CENPP: variants seen among roughly 807,000 people sequenced by gnomAD.
CENPP encodes the protein centromere protein P.
In CENPP, 24 loss-of-function variants were observed where a neutral mutation model predicts 35.6. The ratio of observed to expected loss-of-function variants is 0.67; its 90% CI spans 0.49 to 0.95. The LOEUF is 0.95. CENPP is among the 40% of genes least tolerant of loss of function. The probability of loss-of-function intolerance (pLI) is 0.00; values close to 1 mark genes in which losing one functional copy is unlikely to be tolerated. For missense variants in CENPP, 332 were observed against 345.3 expected, an observed-to-expected ratio of 0.96 and a Z score of 0.31; for synonymous variants, 120 against 125.5, an observed-to-expected ratio of 0.96 and a Z score of 0.29.
At chr9:92,371,871 T>G (rs907490755) in intron 4 of CENPP, among the ~76,000 whole-genome samples, 1 of 132,590 alleles carries the variant, frequency 7.5e-6, no homozygotes, top group Non-Finnish European at 1.7e-5. Flanking sequence ...TTTGTTGTTG[T>G]TTTTTTTTTT....
At chr9:92,528,357 C>A (rs1345680775) in intron 5 of CENPP, among the ~76,000 whole-genome samples, 1 of 152,004 alleles carries the variant, frequency 6.6e-6, no homozygotes, top group Non-Finnish European at 1.5e-5. Context: ...TGAAAAGATA[C>A]AGCTGGAAAT....
At chr9:92,608,144 G>T (rs1215366108) in intron 5 of CENPP, among the ~76,000 whole-genome samples, 1 of 152,160 alleles carries the variant, frequency 6.6e-6, no homozygotes, top group African/African-American at 2.4e-5. Context: ...GGAAGCACAG[G>T]CATCTCGTTC....
At chr9:92,524,682 G>A (rs1183522063) in intron 5 of CENPP, among the ~76,000 whole-genome samples, 1 of 152,174 alleles carries the variant, frequency 6.6e-6, no homozygotes, top group East Asian at 1.9e-4. Flanking sequence ...TACACAGCCA[G>A]TATGGAGGAG....
chr9:92,496,180 G>A, intron 5 of CENPP: 2 of 1,391,444 alleles, frequency 1.4e-6, no homozygotes, highest in Non-Finnish European at 1.9e-6. Context: ...GTTCATCTGT[G>A]TGTTAGTGAA....
chr9:92,356,759 G>T (rs1351915286), intron 4 of CENPP, among the ~76,000 whole-genome samples: 1 of 152,222 alleles, frequency 6.6e-6, no homozygotes, highest in East Asian at 1.9e-4. Flanking sequence ...CACAATTTAT[G>T]TTCAGAGATT....
Position 92,412,287 on chromosome 9 carries a change from G to T in CENPP, c.564+32428G>T, listed in dbSNP as rs187329618. On this transcript the variant is annotated intron_variant, in intron 5 of 7. Transcript: ENST00000375587. ...TTTTTTGTAGAGACAGGGTTTCACT[G>T]TGTTGCCTAGGCCAGTCTTGAACTT... Among the ~76,000 whole-genome samples the T allele has an allele frequency of 8.7e-4, 133 of 152,036 alleles. 1 individual carries two copies. The highest frequency in any genetic ancestry group is 9.4e-4 in the Non-Finnish European group (64 of 67,968).
chr9:92,582,804 C>A (rs1850459806), intron 5 of CENPP, among the ~76,000 whole-genome samples: 2 of 152,152 alleles, frequency 1.3e-5, no homozygotes, highest in South Asian at 4.1e-4. Flanking sequence ...TGAAGAATAT[C>A]CTGCTCTCAA....
At chr9:92,567,691 C>T (rs1850029399) in intron 5 of CENPP, among the ~76,000 whole-genome samples, 1 of 152,008 alleles carries the variant, frequency 6.6e-6, no homozygotes, top group African/African-American at 2.4e-5. Flanking sequence ...TTGGGACTCA[C>T]TATGTATACA....
intron 5 of CENPP, among the ~76,000 whole-genome samples, chr9:92,563,632 G>C (rs567677733): frequency 1.3e-5 from 2 of 152,204 alleles, no homozygotes; most frequent in Non-Finnish European, 2.9e-5. Flanking sequence ...ATTTAACACA[G>C]ATGATCTTTC....
At chr9:92,381,860 A>G (rs529333412) in intron 5 of CENPP, among the ~76,000 whole-genome samples, 2 of 149,348 alleles carry the variant, frequency 1.3e-5, no homozygotes, top group South Asian at 2.1e-4. Context: ...GAGTACTTCA[A>G]TTTCTCTACA....
chr9:92,589,858 T>C (rs4744141), intron 5 of CENPP, among the ~76,000 whole-genome samples: 57,356 of 152,096 alleles, frequency 0.38, 13,438 homozygotes, highest in African/African-American at 0.66. Context: ...AAATTGAAGA[T>C]AATCATATGT....
At chr9:92,611,569 G>A (rs551692032) in intron 6 of CENPP, among the ~76,000 whole-genome samples, 176 bp downstream of exon 6, 2 of 152,164 alleles carry the variant, frequency 1.3e-5, no homozygotes, top group Non-Finnish European at 1.5e-5. Context: ...CGGGGAGCTG[G>A]AGCTCTGGAG....
intron 5 of CENPP, among the ~76,000 whole-genome samples, chr9:92,461,305 A>C (rs1845101125): frequency 6.6e-6 from 1 of 152,208 alleles, no homozygotes. Context: ...ACATCTAACA[A>C]GATTAATACA....
intron 5 of CENPP, among the ~76,000 whole-genome samples, chr9:92,607,227 T>C (rs1022339181): frequency 2.6e-5 from 4 of 152,172 alleles, no homozygotes; most frequent in African/African-American, 4.8e-5. Context: ...GAATATCCAA[T>C]TGGCCCAGTG....
rs114196695 is a variant in CENPP, at chr9:92,330,457, T to C, written c.108-1713T>C. Among the ~76,000 whole-genome samples, 341 of 152,242 alleles carry C rather than the reference T, an allele frequency of 2.2e-3. 3 individuals are homozygous for C. The highest frequency in any genetic ancestry group is 7.9e-3 in the African/African-American group (327 of 41,552). The stretch of plus-strand genomic sequence containing the variant: ...AGAAGTAAGAGTGTTAGGGTTTTCC[T>C]CTAATGTTGGAGACAAGAAGCTGAC... On this transcript the variant is annotated intron_variant, in intron 1 of 7. Coordinates refer to ENST00000375587, the MANE Select transcript of CENPP (RefSeq NM_001012267.3).
intron 5 of CENPP, among the ~76,000 whole-genome samples, chr9:92,478,446 G>A (rs1845790388): frequency 6.6e-6 from 1 of 151,868 alleles, no homozygotes; most frequent in African/African-American, 2.4e-5. Flanking sequence ...TTGTTTTTTT[G>A]GGGTTTTTTG....
chr9:92,338,537 A>G (rs1426817660), intron 3 of CENPP, among the ~76,000 whole-genome samples: 4 of 152,322 alleles, frequency 2.6e-5, no homozygotes, highest in South Asian at 4.1e-4. Flanking sequence ...TTACTATAGT[A>G]TATTGTTTAG....
At chr9:92,332,786 G>A (rs1840794298) in intron 2 of CENPP, among the ~76,000 whole-genome samples, 1 of 150,782 alleles carries the variant, frequency 6.6e-6, no homozygotes, top group Non-Finnish European at 1.5e-5. Context: ...CCACCCTGGG[G>A]GACAGAGCAA....
At chr9:92,417,401 A>T in intron 5 of CENPP, 3 of 1,613,880 alleles carry the variant, frequency 1.9e-6, no homozygotes, top group Non-Finnish European at 2.5e-6. Context: ...ATGAAAAGGA[A>T]CTCCGTAGTC....
Sources: allele counts gnomAD v4.1 joint callset (sites outside exome capture counted in the v4.1 genomes callset), GRCh38; gene constraint gnomAD v4.1.1; transcripts MANE v1.5; gene names NCBI Gene and HGNC (gene_info 2026-07-23, HGNC 2026-07-21).